The following MAG variants were observed in gnomAD, a reference collection of about 807,000 sequenced individuals.
The protein encoded by MAG is myelin-associated glycoprotein.
MAG carries 30 observed loss-of-function variants against 60.7 expected under a neutral mutation model. The observed-to-expected ratio is 0.49, with a 90% CI of 0.37 to 0.67. The LOEUF (loss-of-function observed/expected upper bound fraction) is 0.67, where lower values mean the gene tolerates loss of function less well. Ranked by LOEUF, MAG falls within the 30% of genes least tolerant of loss-of-function variation. The pLI, the probability that MAG is intolerant of heterozygous loss-of-function variation, is 0.00. For missense variants in MAG, 795 were observed against 851.7 expected, an observed-to-expected ratio of 0.93 and a Z score of 0.83; for synonymous variants, 384 against 376.8, an observed-to-expected ratio of 1.02 and a Z score of -0.22.
intron 7 of MAG, among the ~76,000 whole-genome samples, chr19:35,303,045 TC>T (rs2066460522): frequency 6.6e-6 from 1 of 150,540 alleles, no homozygotes; most frequent in African/African-American, 2.4e-5. Flanking sequence ...TGCCCCAGCC[TC>T]CTGAGTAGCT....
intron 6 of MAG, among the ~76,000 whole-genome samples, chr19:35,301,176 C>T (rs1312163078): frequency 6.6e-6 from 1 of 151,800 alleles, no homozygotes; most frequent in African/African-American, 2.4e-5. Context: ...GTCCAGGAAT[C>T]TGCATTTTTA....
In MAG at chr19:35,295,651, T is replaced by A; in HGVS notation, c.85T>A (p.Ser29Thr). 6.2e-7 allele frequency: 1 copy of A among 1,610,868 alleles called. No homozygotes were observed. Among genetic ancestry groups the A allele is most frequent in the South Asian group, 1.1e-5 (1 of 90,978 alleles). ...TCACTGGGGTGCCTGGATGCCCTCG[T>A]CCATCTCGGCCTTCGAAGGCACGTG... Reference protein sequence around the residue: ...GGHWGAWMPSSISAFEGTCVS... With the variant: ...GGHWGAWMPSTISAFEGTCVS... The change falls in exon 4 of 11, where the codon TCC becomes ACC. Residue 29 changes from serine to threonine, a missense_variant. Transcript: ENST00000392213. This position sits in a 1 kb window ranked among gnomAD's most constrained non-coding sequence, Gnocchi z 5.8.
chr19:35,298,529 C>T (rs1365743216), intron 4 of MAG, among the ~76,000 whole-genome samples: 2 of 150,728 alleles, frequency 1.3e-5, no homozygotes, highest in East Asian at 2.0e-4. Flanking sequence ...ACCAAACACA[C>T]ACCATGCGCT....
intron 7 of MAG, among the ~76,000 whole-genome samples, chr19:35,309,646 G>C (rs1038498277): frequency 2.0e-5 from 3 of 152,152 alleles, no homozygotes; most frequent in Non-Finnish European, 4.4e-5. Flanking sequence ...AAGGCCCCAG[G>C]CGTGGGTTAG....
chr19:35,310,011 G>A lies in MAG; in HGVS notation c.1369G>A (p.Glu457Lys), dbSNP rs2066514318. The change falls in exon 8 of 11, where the codon GAG becomes AAG. Residue 457 changes from glutamate to lysine, a missense_variant. Coordinates refer to ENST00000392213, the MANE Select transcript of MAG (RefSeq NM_002361.4). The stretch of plus-strand genomic sequence containing the variant: ...GCGCAATGTGACCGTGAACGAGAGC[G>A]AGCGGGAGTTCGTGTACTCGGAGCG... Reference protein sequence around the residue: ...PSRNVTVNESEREFVYSERSG... With the variant: ...PSRNVTVNESKREFVYSERSG... 2 of 1,614,006 alleles carry A rather than the reference G, an allele frequency of 1.2e-6. No individual in the cohort carries two copies. The highest frequency in any genetic ancestry group is 1.7e-6 in the Non-Finnish European group (2 of 1,179,932).
At chr19:35,310,859 T>G (rs1248141939) in intron 9 of MAG, among the ~76,000 whole-genome samples, 2 of 152,208 alleles carry the variant, frequency 1.3e-5, no homozygotes, top group African/African-American at 4.8e-5. Context: ...CTGAGCCCTT[T>G]ACACACATCA....
chr19:35,295,929 G>A lies in MAG; in HGVS notation c.363G>A (p.Leu121=), dbSNP rs1384629975. 3.1e-6 allele frequency: 5 copies of A among 1,613,042 alleles called. No homozygotes were observed. Among genetic ancestry groups the A allele is most frequent in the East Asian group, 2.2e-5 (1 of 44,888 alleles). The change falls in exon 4 of 11, where the codon CTG becomes CTA. Residue 121 remains leucine (L), a synonymous_variant. Coordinates refer to ENST00000392213, the MANE Select transcript of MAG (RefSeq NM_002361.4). The surrounding 1 kb of genome is among the most constrained non-coding windows in gnomAD (Gnocchi z 5.8). ...GGAAGTACTACTTCCGTGGGGACCTGGGCGGCTACAACCAGTACACCTTCT... is the reference window on the plus strand; with the variant it reads ...GGAAGTACTACTTCCGTGGGGACCTAGGCGGCTACAACCAGTACACCTTCT... ...LGGKYYFRGD[L]GGYNQYTFSE...
intron 1 of MAG, among the ~76,000 whole-genome samples, chr19:35,292,585 G>C (rs555317495): frequency 6.6e-6 from 1 of 152,220 alleles, no homozygotes; most frequent in East Asian, 1.9e-4. Context: ...TGCAATCTGG[G>C]AGGTGGATGG....
In MAG at chr19:35,299,422, G is replaced by GAGCA. The variant is rs959746041; in HGVS notation, c.416-129_416-128insAAGC. 5 of 646,700 alleles carry GAGCA rather than the reference G, an allele frequency of 7.7e-6. No homozygotes were observed. In the Admixed American group the frequency reaches 1.5e-4, roughly 20 times the overall value. 40.1% of individuals were successfully genotyped at this position (646,700 alleles called of 1,614,324 possible). On this transcript the variant is annotated intron_variant, in intron 4 of 10. Coordinates refer to ENST00000392213, the MANE Select transcript of MAG (RefSeq NM_002361.4). ...AGGGAATTCTGAATCTGGAGGCAGG[G>GAGCA]AGCGGAGGCGATACCGTTGAGGAGT... is the stretch of plus-strand genomic sequence containing the variant.
intron 7 of MAG, among the ~76,000 whole-genome samples, chr19:35,307,519 G>T (rs41407744): frequency 0.015 from 2,267 of 152,134 alleles, 68 homozygotes; most frequent in East Asian, 0.11. Context: ...TAATACAATT[G>T]CGTATTTTGG....
chr19:35,298,966 C>T (rs940377053), intron 4 of MAG, among the ~76,000 whole-genome samples: 34 of 150,786 alleles, frequency 2.3e-4, no homozygotes, highest in African/African-American at 7.8e-4. Context: ...CCACACACTA[C>T]ACACATACAT....
Position 35,299,865 on chromosome 19 carries a change from G to C in MAG, c.712+15G>C, listed in dbSNP as rs1179268166. On this transcript the variant is annotated intron_variant, in intron 5 of 10. Transcript: ENST00000392213. ...GGACGTCAAGTGTGAGCCTGGGTGC[G>C]GGCGGGGCGGGGTGGGGCGGGGTGG... The C allele has an allele frequency of 6.9e-6, 8 of 1,162,506 alleles. No individual in the cohort carries two copies. The African/African-American group carries it at 1.3e-4, about 19-fold the overall frequency. The allele number at this position is 1,162,506 out of a possible 1,614,324, so 72.0% of individuals were successfully genotyped here. A position where few individuals can be genotyped will look rare whatever the true frequency, so the allele number is the denominator to read the frequency against.
At position 35,293,277 on chromosome 19, in the gene MAG, G is replaced by C. The variant is rs770556213; in HGVS notation, c.-79-958G>C. Reference sequence around the variant, plus strand: ...GTTAGCCTGGCATGCATGCTGGGCTGTGTGTGTGTGTGTGTGTGTGTGCTG... The same window carrying C: ...GTTAGCCTGGCATGCATGCTGGGCTCTGTGTGTGTGTGTGTGTGTGTGCTG... On this transcript the variant is annotated intron_variant, in intron 1 of 10. Transcript: ENST00000392213. This position sits in a 1 kb window ranked among gnomAD's most constrained non-coding sequence, Gnocchi z 4.0. Among the ~76,000 whole-genome samples the C allele has an allele frequency of 2.5e-4, 22 of 88,008 alleles. No homozygotes were observed. In the East Asian group the frequency reaches 3.9e-3, roughly 16 times the overall value. 57.7% of individuals were successfully genotyped at this position (88,008 alleles called of 152,430 possible).
chr19:35,299,946 C>T (rs1188064523), intron 5 of MAG, 96 bp downstream of exon 5: 20 of 854,106 alleles, frequency 2.3e-5, no homozygotes, highest in Non-Finnish European at 2.5e-5. Flanking sequence ...GGGGCCGGGC[C>T]GTGATGGGGG....
chr19:35,310,780 G>GC, intron 9 of MAG, 137 bp downstream of exon 9: 1 of 745,452 alleles, frequency 1.3e-6, no homozygotes, highest in Non-Finnish European at 2.3e-6. Flanking sequence ...GGAATGTTCA[G>GC]CTGGACAGAG....
At position 35,293,133 on chromosome 19, in the gene MAG, CTCCTGTACCT is replaced by C. The variant is rs966822397; in HGVS notation, c.-80+936_-80+945del. Among the ~76,000 whole-genome samples the C allele has an allele frequency of 8.5e-5, 13 of 152,180 alleles. No homozygotes were observed. Among genetic ancestry groups the C allele is most frequent in the African/African-American group, 3.1e-4 (13 of 41,438 alleles). On this transcript the variant is annotated intron_variant, in intron 1 of 10. Transcript: ENST00000392213. This position sits in a 1 kb window ranked among gnomAD's most constrained non-coding sequence, Gnocchi z 4.0. ...CGTGCTCATCCTCATCTGCATCTCT[CTCCTGTACCT>C]TCCTGTCACAGGTGCAAGGGCAGCG...
In MAG at chr19:35,300,436, C is replaced by T; in HGVS notation, c.970+32C>T. 4 of 1,525,232 alleles carry T rather than the reference C, an allele frequency of 2.6e-6. No individual in the cohort carries two copies. In the South Asian group the frequency reaches 3.7e-5, roughly 14 times the overall value. 94.5% of individuals were successfully genotyped at this position (1,525,232 alleles called of 1,614,324 possible). A position where few individuals can be genotyped will look rare whatever the true frequency, so the allele number is the denominator to read the frequency against. ...GGCCCACTCTGTGCGTCCACACGCCCACCTGCAGCCGAGAGATAAAGGGAA... is the reference window on the plus strand; with the variant it reads ...GGCCCACTCTGTGCGTCCACACGCCTACCTGCAGCCGAGAGATAAAGGGAA... On this transcript the variant is annotated intron_variant, in intron 6 of 10. Coordinates refer to ENST00000392213, the MANE Select transcript of MAG (RefSeq NM_002361.4).
rs748049631 is a variant in MAG at position 35,302,439 on chromosome 19, A to T, written c.971-9A>T. ...GGGTTCTGACCATCAGTCCCGTCCT[A>T]CCCCGCAGATGCACCCTGGAAGCCA... On this transcript the variant is annotated splice_polypyrimidine_tract_variant and intron_variant, in intron 6 of 10. Coordinates refer to ENST00000392213, the MANE Select transcript of MAG (RefSeq NM_002361.4). 6 of 1,613,738 alleles carry T rather than the reference A, an allele frequency of 3.7e-6. No individual in the cohort carries two copies. The highest frequency in any genetic ancestry group is 4.2e-6 in the Non-Finnish European group (5 of 1,179,850).
chr19:35,309,043 A>C (rs1252689865), intron 7 of MAG, among the ~76,000 whole-genome samples: 1 of 152,182 alleles, frequency 6.6e-6, no homozygotes, highest in Non-Finnish European at 1.5e-5. Context: ...TTTTGAGCAG[A>C]GAGTGCCATG....
Sources: gnomAD v4.1 joint callset for allele counts (sites outside exome capture counted in the v4.1 genomes callset) on GRCh38, gnomAD v4.1.1 for gene constraint, Gnocchi (gnomAD v3.1) non-coding constraint, MANE v1.5 for transcripts, NCBI Gene and HGNC (gene_info 2026-07-23, HGNC 2026-07-21) for gene names.